The following F2 variants were observed in gnomAD, a reference collection of about 807,000 sequenced individuals.
The protein encoded by F2 is coagulation factor II, thrombin.
F2 carries 34 observed loss-of-function variants against 81.9 expected under a neutral mutation model. The ratio of observed to expected loss-of-function variants is 0.42; its 90% CI spans 0.32 to 0.55. The LOEUF is 0.55. F2 is among the 20% of genes least tolerant of loss of function. The pLI is 0.18. For synonymous variants in F2, 296 were observed against 326.4 expected, an observed-to-expected ratio of 0.91 and a Z score of 1.01; for missense variants, 630 against 833.4, an observed-to-expected ratio of 0.76 and a Z score of 3.00.
Position 46,728,536 on chromosome 11 carries a change from A to G in F2, c.1299-128A>G. 1 of 1,073,908 alleles carries G rather than the reference A, an allele frequency of 9.3e-7. No homozygotes were observed. 66.5% of individuals were successfully genotyped at this position (1,073,908 alleles called of 1,614,324 possible). A position where few individuals can be genotyped will look rare whatever the true frequency, so the allele number is the denominator to read the frequency against. ...ACACCCAGGGGGCTGCCATGGCAGG[A>G]ACCAGCCCTATCCCCTCCCTGGTGG... On this transcript the variant is annotated intron_variant, in intron 10 of 13. Transcript: ENST00000311907. This position sits in a 1 kb window ranked among gnomAD's most constrained non-coding sequence, Gnocchi z 5.1.
intron 12 of F2, among the ~76,000 whole-genome samples, chr11:46,732,976 C>G (rs3136484): frequency 0.019 from 2,923 of 152,218 alleles, 95 homozygotes; most frequent in African/African-American, 0.067. Context: ...AGTGGGATGT[C>G]ATTACTTCTA....
Position 46,728,527 on chromosome 11 carries a change from C to A in F2, c.1299-137C>A. 1 of 976,868 alleles carries A rather than the reference C, an allele frequency of 1.0e-6. No homozygotes were observed. The highest frequency in any genetic ancestry group is 1.6e-6 in the Non-Finnish European group (1 of 635,908). 60.5% of individuals were successfully genotyped at this position (976,868 alleles called of 1,614,324 possible). On this transcript the variant is annotated intron_variant, in intron 10 of 13. Coordinates refer to ENST00000311907, the MANE Select transcript of F2 (RefSeq NM_000506.5). This position sits in a 1 kb window ranked among gnomAD's most constrained non-coding sequence, Gnocchi z 5.1. ...CAGGAAGAAACACCCAGGGGGCTGC[C>A]ATGGCAGGAACCAGCCCTATCCCCT...
Position 46,730,850 on chromosome 11 carries a change from C to A in F2, c.1654+1289C>A, listed in dbSNP as rs182667971. 3.7e-3 allele frequency among the ~76,000 whole-genome samples: 498 copies of A among 132,860 alleles called. 3 individuals are homozygous for A. Among genetic ancestry groups the A allele is most frequent in the African/African-American group, 0.015 (485 of 32,150 alleles). 87.2% of individuals were successfully genotyped at this position (132,860 alleles called of 152,430 possible). On this transcript the variant is annotated intron_variant, in intron 12 of 13. Coordinates refer to ENST00000311907, the MANE Select transcript of F2 (RefSeq NM_000506.5). The stretch of plus-strand genomic sequence containing the variant: ...TATGGTTTCTTTTTACCCATAAATA[C>A]TTGAGTATTTCCAAAAAAAAAAAAA...
At position 46,728,231 on chromosome 11, in the gene F2, C is replaced by G; in HGVS notation, c.1298+68C>G. ...TCCTCCAAAGCGATCATGAGGGGCC[C>G]TGGTGGCTCCGGGACACATAGGATG... On this transcript the variant is annotated intron_variant, in intron 10 of 13. Coordinates refer to ENST00000311907, the MANE Select transcript of F2 (RefSeq NM_000506.5). This position sits in a 1 kb window ranked among gnomAD's most constrained non-coding sequence, Gnocchi z 5.1. 6.6e-7 allele frequency: 1 copy of G among 1,516,218 alleles called. No individual in the cohort carries two copies. 93.9% of individuals were successfully genotyped at this position (1,516,218 alleles called of 1,614,324 possible). A position where few individuals can be genotyped will look rare whatever the true frequency, so the allele number is the denominator to read the frequency against.
At chr11:46,729,732 G>A (rs2064899048) in intron 12 of F2, among the ~76,000 whole-genome samples, 171 bp downstream of exon 12, 1 of 152,162 alleles carries the variant, frequency 6.6e-6, no homozygotes, top group Non-Finnish European at 1.5e-5. Flanking sequence ...GGTTATGGGA[G>A]GGTTAAATGA....
intron 12 of F2, among the ~76,000 whole-genome samples, chr11:46,730,862 C>CAA (rs201584455): frequency 0.059 from 7,956 of 134,556 alleles, 258 homozygotes; most frequent in Non-Finnish European, 0.084. Context: ...TGAGTATTTC[C>CAA]AAAAAAAAAA....
At chr11:46,733,918 A>C (rs1294225249) in intron 12 of F2, among the ~76,000 whole-genome samples, 1 of 149,908 alleles carries the variant, frequency 6.7e-6, no homozygotes, top group African/African-American at 2.5e-5. Flanking sequence ...CCTCCCAAGC[A>C]GCTGGGACTC....
intron 12 of F2, among the ~76,000 whole-genome samples, chr11:46,738,817 A>G (rs1272238538): frequency 2.0e-5 from 3 of 152,340 alleles, no homozygotes; most frequent in African/African-American, 7.2e-5. Flanking sequence ...AATGAAGGAA[A>G]CTAGTGGGTT....
At chr11:46,720,006 G>A in intron 2 of F2, 144 bp downstream of exon 2, 2 of 1,179,964 alleles carry the variant, frequency 1.7e-6, no homozygotes, top group Non-Finnish European at 2.4e-6. Flanking sequence ...TCACAGGGCT[G>A]GCAAGAGGAG....
intron 12 of F2, among the ~76,000 whole-genome samples, chr11:46,730,855 G>A (rs1315500839): frequency 8.0e-6 from 1 of 124,340 alleles, no homozygotes; most frequent in Non-Finnish European, 1.6e-5. Flanking sequence ...AAATACTTGA[G>A]TATTTCCAAA....
At chr11:46,738,806 G>C (rs142674430) in intron 12 of F2, among the ~76,000 whole-genome samples, 32 of 152,372 alleles carry the variant, frequency 2.1e-4, no homozygotes, top group Non-Finnish European at 4.6e-4. Flanking sequence ...GGTGGGCAAA[G>C]AATGAAGGAA....
chr11:46,725,549 G>A (rs2064866444), intron 6 of F2, among the ~76,000 whole-genome samples: 2 of 152,096 alleles, frequency 1.3e-5, no homozygotes. Context: ...ATAAAAACAT[G>A]ACTCCTCCAG....
In F2 at chr11:46,728,987, T is replaced by C; in HGVS notation, c.1472+150T>C. 1 of 665,546 alleles carries C rather than the reference T, an allele frequency of 1.5e-6. No individual in the cohort carries two copies. Among genetic ancestry groups the C allele is most frequent in the Non-Finnish European group, 2.5e-6 (1 of 399,186 alleles). 41.2% of individuals were successfully genotyped at this position (665,546 alleles called of 1,614,324 possible). A position where few individuals can be genotyped will look rare whatever the true frequency, so the allele number is the denominator to read the frequency against. On this transcript the variant is annotated intron_variant, in intron 11 of 13. Coordinates refer to ENST00000311907, the MANE Select transcript of F2 (RefSeq NM_000506.5). The surrounding 1 kb of genome is among the most constrained non-coding windows in gnomAD (Gnocchi z 5.1). ...AAAGTTCTTTTCAGTACTGGCGTTT[T>C]ATTTTTTATTTATATTTATTTATTT...
Position 46,725,948 on chromosome 11 carries a change from C to T in F2, c.649C>T (p.Arg217Trp), listed in dbSNP as rs200969932. 23 of 1,613,950 alleles carry T rather than the reference C, an allele frequency of 1.4e-5. No individual in the cohort carries two copies. The South Asian group carries it at 1.5e-4, about 11-fold the overall frequency. Residue 217 changes from arginine (R) to tryptophan (W), a missense_variant, in exon 7 of 14, where the codon CGG becomes TGG. Transcript: ENST00000311907. ...SPPLEQCVPD[R>W]GQQYQGRLAV... ...TCCATTGGAGCAGTGTGTCCCTGAT[C>T]GGGGGCAGCAGTACCAGGGGCGCCT...
At chr11:46,720,005 T>C in intron 2 of F2, 143 bp downstream of exon 2, 4 of 1,205,054 alleles carry the variant, frequency 3.3e-6, no homozygotes, top group Non-Finnish European at 4.7e-6. Context: ...CTCACAGGGC[T>C]GGCAAGAGGA....
intron 9 of F2, among the ~76,000 whole-genome samples, chr11:46,727,445 T>C (rs2064881579): frequency 6.6e-6 from 1 of 152,196 alleles, no homozygotes; most frequent in Non-Finnish European, 1.5e-5. Context: ...CTACGCTATG[T>C]GAACTCTGGA....
In F2 at chr11:46,728,208, C is replaced by T. The variant is rs779262692; in HGVS notation, c.1298+45C>T. On this transcript the variant is annotated intron_variant, in intron 10 of 13. Coordinates refer to ENST00000311907, the MANE Select transcript of F2 (RefSeq NM_000506.5). The surrounding 1 kb of genome is among the most constrained non-coding windows in gnomAD (Gnocchi z 5.1). The stretch of plus-strand genomic sequence containing the variant: ...TGGGTGTCTGGCAGGGGTCTGAGTC[C>T]TCCAAAGCGATCATGAGGGGCCCTG... 2.5e-6 allele frequency: 4 copies of T among 1,582,760 alleles called. No individual in the cohort carries two copies. The highest frequency in any genetic ancestry group is 2.6e-6 in the Non-Finnish European group (3 of 1,163,302).
chr11:46,727,859 C>T, intron 9 of F2, 137 bp from the exon 10 acceptor site: 1 of 937,078 alleles, frequency 1.1e-6, no homozygotes, highest in Non-Finnish European at 1.6e-6. Context: ...CAAAGGCGGC[C>T]AGCCCAAGCT....
intron 9 of F2, among the ~76,000 whole-genome samples, 190 bp from the exon 10 acceptor site, chr11:46,727,806 A>AAAT (rs2064884365): frequency 6.6e-6 from 1 of 152,086 alleles, no homozygotes; most frequent in Non-Finnish European, 1.5e-5. Context: ...TAAATAAAAA[A>AAAT]GTGTGAGGCA....
Sources: allele counts gnomAD v4.1 joint callset (sites outside exome capture counted in the v4.1 genomes callset), GRCh38; gene constraint gnomAD v4.1.1; non-coding constraint Gnocchi (gnomAD v3.1); transcripts MANE v1.5; gene names NCBI Gene and HGNC (gene_info 2026-07-23, HGNC 2026-07-21).